SLC30A9: variants seen among roughly 807,000 people sequenced by gnomAD.
SLC30A9 encodes proton-coupled zinc antiporter SLC30A9, mitochondrial.
A neutral mutation model predicts 87.5 loss-of-function variants in SLC30A9; 58 were observed. The observed-to-expected ratio is 0.66, with a 90% CI of 0.54 to 0.82. The LOEUF is 0.82. SLC30A9 is among the 40% of genes least tolerant of loss of function. SLC30A9 has a pLI of 0.00. For missense variants in SLC30A9, 557 were observed against 679.1 expected (o/e 0.82, Z 2.00); for synonymous variants, 234 against 233.0 (o/e 1.00, Z -0.04).
chr4:42,030,295 T>A (rs148607033), intron 6 of SLC30A9, among the ~76,000 whole-genome samples: 152 of 152,290 alleles, frequency 1.0e-3, no homozygotes, highest in Middle Eastern at 3.4e-3. Context: ...TAATGTAAAC[T>A]AAAGTGTAGC....
intron 1 of SLC30A9, among the ~76,000 whole-genome samples, chr4:42,000,765 C>T (rs534994335): frequency 6.6e-6 from 1 of 151,976 alleles, no homozygotes; most frequent in African/African-American, 2.4e-5. Flanking sequence ...TAAGCACTTA[C>T]AAAAGTTTCA....
In SLC30A9 at chr4:42,066,532, T is replaced by C. The variant is rs966032090; in HGVS notation, c.1073-18T>C. 6.4e-7 allele frequency: 1 copy of C among 1,567,502 alleles called. No individual in the cohort carries two copies. The highest frequency in any genetic ancestry group is 2.3e-5 in the East Asian group (1 of 43,910). ...GCATGAAGTTTCTGTCTTGCTGATATGAATGCTTTTCTTTTAGCAACACTT... is the reference window on the plus strand; with the variant it reads ...GCATGAAGTTTCTGTCTTGCTGATACGAATGCTTTTCTTTTAGCAACACTT... On this transcript the variant is annotated intron_variant, in intron 12 of 17. Coordinates refer to ENST00000264451, the MANE Select transcript of SLC30A9 (RefSeq NM_006345.4).
intron 8 of SLC30A9, among the ~76,000 whole-genome samples, chr4:42,041,067 C>T (rs780807921): frequency 1.6e-4 from 24 of 152,106 alleles, no homozygotes; most frequent in Admixed American, 1.4e-3. Flanking sequence ...GCAAATAGAG[C>T]TTGTGCAGGG....
Position 42,038,982 on chromosome 4 carries a change from A to G in SLC30A9, c.670-4A>G. ...TATTAAAAAAAGTTTTTGTTTTTTT[A>G]CAGCCACGCTCCAGAACAGCATCAG... On this transcript the variant is annotated splice_polypyrimidine_tract_variant and splice_region_variant and intron_variant, in intron 7 of 17. Coordinates refer to ENST00000264451, the MANE Select transcript of SLC30A9 (RefSeq NM_006345.4). 1.2e-6 allele frequency: 2 copies of G among 1,612,386 alleles called. No homozygotes were observed. Among genetic ancestry groups the G allele is most frequent in the South Asian group, 2.2e-5 (2 of 90,748 alleles).
chr4:42,017,718 G>C (rs1175680639), intron 2 of SLC30A9, among the ~76,000 whole-genome samples: 9 of 152,088 alleles, frequency 5.9e-5, no homozygotes, highest in Non-Finnish European at 1.3e-4. Context: ...TTAAATAGAA[G>C]AACTGTGCAT....
At chr4:41,990,877 C>G (rs1308737087) in intron 1 of SLC30A9, 117 bp downstream of exon 1, 2 of 719,442 alleles carry the variant, frequency 2.8e-6, no homozygotes, top group Non-Finnish European at 4.7e-6. Flanking sequence ...TCAGAACCTT[C>G]CTTTCTGGCC....
At chr4:42,066,513 A>G (rs374510328) in intron 12 of SLC30A9, 37 bp from the exon 13 acceptor site, 361 of 1,396,750 alleles carry the variant, frequency 2.6e-4, no homozygotes, top group Non-Finnish European at 3.4e-4. Context: ...GGAGGCATGA[A>G]GTTTCTGTCT....
At chr4:41,991,451 TGA>T (rs1714437267) in intron 1 of SLC30A9, among the ~76,000 whole-genome samples, 1 of 152,232 alleles carries the variant, frequency 6.6e-6, no homozygotes, top group Non-Finnish European at 1.5e-5. Context: ...TTAAATGGTT[TGA>T]GAGTTTCCAA....
chr4:42,065,770 T>C (rs1199161611), intron 12 of SLC30A9, among the ~76,000 whole-genome samples: 1 of 152,244 alleles, frequency 6.6e-6, no homozygotes, highest in Non-Finnish European at 1.5e-5. Flanking sequence ...CAAGCATTAT[T>C]CCTTGATTGA....
chr4:42,078,207 T>C lies in SLC30A9; in HGVS notation c.1549-5T>C, dbSNP rs568999748. 4.3e-6 allele frequency: 6 copies of C among 1,383,786 alleles called. No homozygotes were observed. The African/African-American group carries it at 5.9e-5, about 14-fold the overall frequency. 85.7% of individuals were successfully genotyped at this position (1,383,786 alleles called of 1,614,324 possible). A position where few individuals can be genotyped will look rare whatever the true frequency, so the allele number is the denominator to read the frequency against. ...TTTATTTTCCTGTTTTCATTTTCTTTATAGGAAATTCAAGAAGTGAAAACT... is the reference window on the plus strand; with the variant it reads ...TTTATTTTCCTGTTTTCATTTTCTTCATAGGAAATTCAAGAAGTGAAAACT... On this transcript the variant is annotated splice_region_variant and splice_polypyrimidine_tract_variant and intron_variant, in intron 16 of 17. Transcript: ENST00000264451.
At position 42,063,086 on chromosome 4, in the gene SLC30A9, T is replaced by A. The variant is rs2153139916; in HGVS notation, c.997T>A (p.Leu333Met). Residue 333 changes from leucine (L) to methionine (M), a missense_variant, in exon 11 of 18, where the codon TTG becomes ATG. Physicochemically the swap from Leu to Met is conservative, Grantham distance 15. Around this residue, in one of 2 missense-constraint regions of SLC30A9, gnomAD observed 467 missense variants for 529.8 expected, o/e 0.88. Transcript: ENST00000264451. ...ATCTTGGTACCATGGAGTCATGGGATTGCTTCATCCTCAACCAATAGAATC... is the reference window on the plus strand; with the variant it reads ...ATCTTGGTACCATGGAGTCATGGGAATGCTTCATCCTCAACCAATAGAATC... ...GLSWYHGVMG[L>M]LHPQPIESLL... The A allele has an allele frequency of 6.2e-7, 1 of 1,613,934 alleles. No homozygotes were observed. The highest frequency in any genetic ancestry group is 1.1e-5 in the South Asian group (1 of 91,066).
chr4:42,029,435 C>A, intron 6 of SLC30A9: 2 of 638,994 alleles, frequency 3.1e-6, no homozygotes, highest in South Asian at 1.5e-5. Flanking sequence ...TCAGGACCCC[C>A]ACCAGGATTA....
chr4:42,054,476 G>T (rs1717520387), intron 9 of SLC30A9, among the ~76,000 whole-genome samples: 1 of 149,444 alleles, frequency 6.7e-6, no homozygotes. Flanking sequence ...TTTGATAATA[G>T]TAAGGAATTA....
At chr4:42,045,931 A>G (rs1213958648) in intron 8 of SLC30A9, among the ~76,000 whole-genome samples, 2 of 152,214 alleles carry the variant, frequency 1.3e-5, no homozygotes, top group East Asian at 1.9e-4. Context: ...GCATCAACAT[A>G]TGCAAAATAA....
intron 14 of SLC30A9, among the ~76,000 whole-genome samples, chr4:42,069,328 A>G (rs1409782154): frequency 6.6e-6 from 1 of 152,196 alleles, no homozygotes; most frequent in East Asian, 1.9e-4. Context: ...AAATTAAATA[A>G]CATGCCAAGA....
At chr4:42,081,982 C>T (rs1437974644) in intron 17 of SLC30A9, among the ~76,000 whole-genome samples, 1 of 152,104 alleles carries the variant, frequency 6.6e-6, no homozygotes, top group Admixed American at 6.5e-5. Context: ...CTTTGGGAGG[C>T]CGAGGCGGGT....
chr4:42,047,682 G>A (rs964113500), intron 8 of SLC30A9, among the ~76,000 whole-genome samples: 1 of 152,186 alleles, frequency 6.6e-6, no homozygotes, highest in East Asian at 1.9e-4. Flanking sequence ...GATTCCTCCA[G>A]GATCTAGAAC....
chr4:42,052,311 G>A (rs1348494189), intron 9 of SLC30A9, among the ~76,000 whole-genome samples: 1 of 152,156 alleles, frequency 6.6e-6, no homozygotes, highest in Non-Finnish European at 1.5e-5. Flanking sequence ...TAGATTGGAT[G>A]TCATAGATCT....
At chr4:42,031,278 AC>A (rs1279469625) in intron 6 of SLC30A9, among the ~76,000 whole-genome samples, 1 of 152,102 alleles carries the variant, frequency 6.6e-6, no homozygotes, top group African/African-American at 2.4e-5. Context: ...AAAAAAAAAA[AC>A]AGAAGACATC....
Sources: allele counts gnomAD v4.1 joint callset (sites outside exome capture counted in the v4.1 genomes callset), GRCh38; gene constraint gnomAD v4.1.1; regional missense constraint gnomAD v4.1.1; transcripts MANE v1.5; gene names NCBI Gene and HGNC (gene_info 2026-07-23, HGNC 2026-07-21).